Variants in ZNF532 observed in about 807,000 individuals in gnomAD.
ZNF532 encodes the protein zinc finger protein 532.
ZNF532 carries 22 observed loss-of-function variants against 89.3 expected under a neutral mutation model. The observed-to-expected ratio is 0.25, with a 90% CI of 0.18 to 0.35. The LOEUF (loss-of-function observed/expected upper bound fraction) is 0.35. Among genes scored for constraint, ZNF532 ranks in the 10% least tolerant of loss-of-function variants. The pLI is 1.00. For missense variants in ZNF532, 1,132 were observed against 1,643.4 expected (o/e 0.69, Z 5.38); for synonymous variants, 606 against 649.6 (o/e 0.93, Z 1.02).
chr18:58,974,981 T>C (rs1488480050), intron 7 of ZNF532, among the ~76,000 whole-genome samples: 1 of 152,236 alleles, frequency 6.6e-6, no homozygotes, highest in Non-Finnish European at 1.5e-5. Context: ...TGTTGTTTTG[T>C]TGAAGTTTTG....
intron 4 of ZNF532, 84 bp from the exon 5 acceptor site, chr18:58,939,361 A>G: frequency 8.3e-7 from 1 of 1,206,286 alleles, no homozygotes; most frequent in Non-Finnish European, 1.1e-6. Context: ...AGGGCTATGA[A>G]AGTGTGTTCA....
intron 2 of ZNF532, among the ~76,000 whole-genome samples, chr18:58,888,802 TATATATAAA>T (rs2058592233): frequency 3.4e-5 from 2 of 58,870 alleles, no homozygotes; most frequent in African/African-American, 9.2e-5. Context: ...ATATAATTTA[TATATATAAA>T]AAATTATATA....
chr18:58,930,231 C>G (rs925255357), intron 3 of ZNF532, among the ~76,000 whole-genome samples: 3 of 152,206 alleles, frequency 2.0e-5, no homozygotes, highest in African/African-American at 7.2e-5. Context: ...CTTGAACACT[C>G]TCTGATTCCT....
At chr18:58,920,931 G>C (rs1254348199) in intron 3 of ZNF532, among the ~76,000 whole-genome samples, 1 of 152,016 alleles carries the variant, frequency 6.6e-6, no homozygotes, top group Admixed American at 6.6e-5. Flanking sequence ...AGTGGCAGTG[G>C]TGGTTGTGGT....
chr18:58,878,839 C>G (rs970238663), intron 2 of ZNF532, among the ~76,000 whole-genome samples: 4 of 152,240 alleles, frequency 2.6e-5, no homozygotes, highest in Non-Finnish European at 5.9e-5. Context: ...TCATCTTGCA[C>G]TAAGCTTACT....
At chr18:58,976,552 T>TTC in intron 7 of ZNF532, among the ~76,000 whole-genome samples, 1 of 152,014 alleles carries the variant, frequency 6.6e-6, no homozygotes, top group South Asian at 2.1e-4. Flanking sequence ...AGTTGATTTT[T>TTC]TTTTTCTTTT....
chr18:58,926,628 G>C (rs541902036), intron 3 of ZNF532, among the ~76,000 whole-genome samples: 1 of 152,238 alleles, frequency 6.6e-6, no homozygotes, highest in Non-Finnish European at 1.5e-5. Flanking sequence ...GATTATAGGC[G>C]TGAGCCACTG....
At chr18:58,977,705 C>G (rs1340172882) in intron 7 of ZNF532, 15 of 152,068 alleles carry the variant, frequency 9.9e-5, no homozygotes, top group Admixed American at 9.8e-4. Context: ...CAAAAATTAG[C>G]CGGGCGTGGT....
chr18:58,872,977 C>T (rs891671755), intron 2 of ZNF532, among the ~76,000 whole-genome samples: 7 of 152,110 alleles, frequency 4.6e-5, no homozygotes, highest in Non-Finnish European at 7.3e-5. Context: ...GGATTACAGG[C>T]GTGAGCCAAC....
At position 58,875,143 on chromosome 18, in the gene ZNF532, T is replaced by TC. The variant is rs1200092798; in HGVS notation, c.-18+9564_-18+9565insC. The stretch of plus-strand genomic sequence containing the variant: ...TCATAACATTTTGGCTATTTCACCT[T>TC]TCCCCCCCCTTTTTTTCTCTTTTTC... On this transcript the variant is annotated intron_variant, in intron 2 of 9. Transcript: ENST00000591808. Among the ~76,000 whole-genome samples the TC allele has an allele frequency of 6.7e-5, 10 of 149,138 alleles. No individual in the cohort carries two copies. In the East Asian group the frequency reaches 9.2e-4, roughly 14 times the overall value.
chr18:58,908,432 A>G (rs2060076811), intron 2 of ZNF532, among the ~76,000 whole-genome samples: 1 of 119,454 alleles, frequency 8.4e-6, no homozygotes, highest in African/African-American at 3.2e-5. Flanking sequence ...AAGTTGTTTC[A>G]TAGAGCTGAA....
At chr18:58,971,398 CAG>C (rs1253887799) in intron 7 of ZNF532, among the ~76,000 whole-genome samples, 1 of 152,186 alleles carries the variant, frequency 6.6e-6, no homozygotes, top group African/African-American at 2.4e-5. Context: ...GAATGTGAAA[CAG>C]TGGTCTCAAT....
Position 58,918,919 on chromosome 18 carries a change from A to G in ZNF532, c.632A>G (p.Asn211Ser). 1.9e-6 allele frequency: 3 copies of G among 1,613,942 alleles called. No individual in the cohort carries two copies. Among genetic ancestry groups the G allele is most frequent in the Non-Finnish European group, 2.5e-6 (3 of 1,180,038 alleles). Residue 211 changes from asparagine to serine, a missense_variant, in exon 3 of 10, where the codon AAC becomes AGC. Asn to Ser is a conservative substitution (Grantham distance 46, BLOSUM62 1). Coordinates refer to ENST00000591808, the MANE Select transcript of ZNF532 (RefSeq NM_001375912.1). ...AGAGAAACAGAAGCCAGTTCTATAA[A>G]CCTGAGTGTTTATGAACCTTTTAAA... is the stretch of plus-strand genomic sequence containing the variant. Reference protein sequence around the residue: ...VKRETEASSINLSVYEPFKVR... With the variant: ...VKRETEASSISLSVYEPFKVR...
intron 5 of ZNF532, among the ~76,000 whole-genome samples, chr18:58,946,605 G>A (rs1411894634): frequency 6.6e-6 from 1 of 152,020 alleles, no homozygotes; most frequent in African/African-American, 2.4e-5. Context: ...TTATACTCTT[G>A]GACATTTGGG....
At chr18:58,952,463 G>C (rs973811348) in intron 6 of ZNF532, among the ~76,000 whole-genome samples, 9 of 152,200 alleles carry the variant, frequency 5.9e-5, no homozygotes, top group African/African-American at 1.9e-4. Context: ...AGAGTGCAGT[G>C]GTGTGATTGT....
chr18:58,900,491 G>C (rs907315558), intron 2 of ZNF532, among the ~76,000 whole-genome samples: 2 of 152,106 alleles, frequency 1.3e-5, no homozygotes, highest in African/African-American at 4.8e-5. Context: ...TTCTAGCCCT[G>C]CCCTGCTCCC....
Position 58,919,132 on chromosome 18 carries a change from C to A in ZNF532, c.845C>A (p.Ala282Glu). ...AAIAALSAKK[A>E]ASDSCKEPVA... The stretch of plus-strand genomic sequence containing the variant: ...ATCGCGGCTCTCAGCGCTAAAAAGG[C>A]GGCTTCAGACTCCTGCAAAGAACCA... The change falls in exon 3 of 10, where the codon GCG (alanine) becomes GAG (glutamate). Residue 282 changes from alanine (A) to glutamate (E), a missense_variant. This residue lies in a region of ZNF532 where 302 missense variants were observed against 319.8 expected (regional missense o/e 0.94). Transcript: ENST00000591808. This position sits in a 1 kb window ranked among gnomAD's most constrained non-coding sequence, Gnocchi z 6.1. The A allele has an allele frequency of 6.2e-7, 1 of 1,614,160 alleles. No homozygotes were observed. The highest frequency in any genetic ancestry group is 8.5e-7 in the Non-Finnish European group (1 of 1,180,030).
At position 58,888,743 on chromosome 18, in the gene ZNF532, T is replaced by A. The variant is rs1340709857; in HGVS notation, c.-18+23164T>A. 1.9e-3 allele frequency among the ~76,000 whole-genome samples: 78 copies of A among 41,518 alleles called. 2 individuals carry two copies. Among genetic ancestry groups the A allele is most frequent in the East Asian group, 9.1e-3 (6 of 662 alleles). The allele number at this position is 41,518 out of a possible 152,430, so 27.2% of individuals were successfully genotyped here. ...TATATATAAATTATATATATATATTTTATATATATATAAAATTAATATATA... is the reference window on the plus strand; with the variant it reads ...TATATATAAATTATATATATATATTATATATATATATAAAATTAATATATA... On this transcript the variant is annotated intron_variant, in intron 2 of 9. Transcript: ENST00000591808.
chr18:58,886,180 C>T (rs560552169), intron 2 of ZNF532, among the ~76,000 whole-genome samples: 1 of 152,126 alleles, frequency 6.6e-6, no homozygotes, highest in Admixed American at 6.5e-5. Context: ...AGGGTTTCAC[C>T]ACATTGGCCA....
Sources: allele counts gnomAD v4.1 joint callset (sites outside exome capture counted in the v4.1 genomes callset), GRCh38; gene constraint gnomAD v4.1.1; regional missense constraint gnomAD v4.1.1; non-coding constraint Gnocchi (gnomAD v3.1); transcripts MANE v1.5; gene names NCBI Gene and HGNC (gene_info 2026-07-23, HGNC 2026-07-21).